Variants in HCN1 observed in about 807,000 individuals in gnomAD.
HCN1 encodes hyperpolarization activated cyclic nucleotide gated potassium channel 1, also known as potassium/sodium hyperpolarization-activated cyclic nucleotide-gated channel 1.
Under a neutral mutation model 78.9 loss-of-function variants are expected in HCN1, and 13 were observed. That is an observed-to-expected ratio of 0.16 (90% CI 0.11 to 0.26). The LOEUF (loss-of-function observed/expected upper bound fraction) is 0.26. Among genes scored for constraint, HCN1 ranks in the 10% least tolerant of loss-of-function variants. The pLI is 1.00. For missense variants in HCN1, 810 were observed against 1,154.3 expected, an observed-to-expected ratio of 0.70 and a Z score of 4.32; for synonymous variants, 552 against 455.5, an observed-to-expected ratio of 1.21 and a Z score of -2.70.
intron 2 of HCN1, among the ~76,000 whole-genome samples, chr5:45,552,927 A>C (rs1743396625): frequency 6.6e-6 from 1 of 151,940 alleles, no homozygotes; most frequent in South Asian, 2.1e-4. Flanking sequence ...ATAGGAGATC[A>C]GATAAAATAA....
chr5:45,691,541 A>G (rs1459225808), intron 1 of HCN1, among the ~76,000 whole-genome samples: 1 of 152,160 alleles, frequency 6.6e-6, no homozygotes, highest in Non-Finnish European at 1.5e-5. Flanking sequence ...AATGTAATTG[A>G]ACTTAAAGCA....
intron 2 of HCN1, among the ~76,000 whole-genome samples, chr5:45,562,193 C>T (rs1743618473): frequency 6.6e-6 from 1 of 152,050 alleles, no homozygotes; most frequent in African/African-American, 2.4e-5. Context: ...GACACTAACT[C>T]TGGAAGGTTA....
chr5:45,569,437 C>CA (rs1743780467), intron 2 of HCN1, among the ~76,000 whole-genome samples: 2 of 152,180 alleles, frequency 1.3e-5, no homozygotes, highest in Admixed American at 1.3e-4. Context: ...AGAAATAAGA[C>CA]AGTTACATAT....
At chr5:45,573,326 A>C (rs2589179) in intron 2 of HCN1, among the ~76,000 whole-genome samples, 17,846 of 151,998 alleles carry the variant, frequency 0.12, 1,678 homozygotes, top group African/African-American at 0.25. Flanking sequence ...CTAATTCAAT[A>C]CCCAGGCTGA....
chr5:45,483,922 G>A (rs1367708698), intron 2 of HCN1, among the ~76,000 whole-genome samples: 2 of 152,042 alleles, frequency 1.3e-5, no homozygotes, highest in Non-Finnish European at 2.9e-5. Context: ...AAAATCAGAC[G>A]TTTGTAGGTG....
chr5:45,683,888 C>T (rs956359791), intron 1 of HCN1, among the ~76,000 whole-genome samples: 1 of 152,034 alleles, frequency 6.6e-6, no homozygotes, highest in African/African-American at 2.4e-5. Context: ...CCAGGCTGGT[C>T]TGAAACTCCT....
intron 5 of HCN1, among the ~76,000 whole-genome samples, chr5:45,310,822 AC>A (rs1579799764): frequency 6.6e-6 from 1 of 152,222 alleles, no homozygotes; most frequent in East Asian, 1.9e-4. Context: ...AGCATGGAAT[AC>A]TATGCAGCCA....
intron 4 of HCN1, among the ~76,000 whole-genome samples, chr5:45,391,855 G>T (rs1037699810): frequency 3.3e-5 from 5 of 151,962 alleles, no homozygotes; most frequent in Non-Finnish European, 5.9e-5. Context: ...GAGTAAATAC[G>T]GTAAACAAAT....
chr5:45,505,575 G>A (rs770565120), intron 2 of HCN1, among the ~76,000 whole-genome samples: 1 of 152,048 alleles, frequency 6.6e-6, no homozygotes, highest in Admixed American at 6.6e-5. Context: ...GGATTGACTT[G>A]GCAAAGGAAT....
chr5:45,370,840 T>A (rs1309888849), intron 4 of HCN1, among the ~76,000 whole-genome samples: 1 of 152,124 alleles, frequency 6.6e-6, no homozygotes, highest in Non-Finnish European at 1.5e-5. Context: ...GCACACACTC[T>A]AAAAGAAGTA....
At chr5:45,430,995 G>A (rs1740451304) in intron 3 of HCN1, among the ~76,000 whole-genome samples, 1 of 152,036 alleles carries the variant, frequency 6.6e-6, no homozygotes, top group African/African-American at 2.4e-5. Context: ...TTATAATCTT[G>A]TTTTAAGTTC....
intron 4 of HCN1, among the ~76,000 whole-genome samples, chr5:45,377,307 T>C (rs1747702910): frequency 6.6e-6 from 1 of 152,002 alleles, no homozygotes; most frequent in Non-Finnish European, 1.5e-5. Flanking sequence ...CTTAATAAAA[T>C]TTCACATTTG....
intron 5 of HCN1, among the ~76,000 whole-genome samples, chr5:45,318,280 TG>T (rs1746043915): frequency 6.6e-6 from 1 of 152,134 alleles, no homozygotes; most frequent in South Asian, 2.1e-4. Flanking sequence ...TGGATGAAGC[TG>T]GAAACCATCT....
chr5:45,485,617 T>A (rs1741741020), intron 2 of HCN1, among the ~76,000 whole-genome samples: 1 of 152,136 alleles, frequency 6.6e-6, no homozygotes, highest in Non-Finnish European at 1.5e-5. Context: ...TATGTTTCTT[T>A]TTTTCCAAAG....
intron 6 of HCN1, among the ~76,000 whole-genome samples, chr5:45,281,569 C>A (rs1002667146): frequency 1.4e-4 from 20 of 145,966 alleles, no homozygotes; most frequent in South Asian, 1.3e-3. Flanking sequence ...TATACAAGAG[C>A]TCTTCTCTTC....
chr5:45,552,597 CT>C (rs1272641799), intron 2 of HCN1, among the ~76,000 whole-genome samples: 1 of 151,834 alleles, frequency 6.6e-6, no homozygotes, highest in Non-Finnish European at 1.5e-5. Context: ...TGATTTTGGA[CT>C]GGAAATGTAA....
chr5:45,287,244 G>A (rs973757650), intron 6 of HCN1, among the ~76,000 whole-genome samples: 1 of 151,672 alleles, frequency 6.6e-6, no homozygotes, highest in African/African-American at 2.4e-5. Context: ...TTACCTGTGA[G>A]TGAAAGTCCC....
At chr5:45,689,345 C>CTAT (rs1739864786) in intron 1 of HCN1, among the ~76,000 whole-genome samples, 1 of 151,862 alleles carries the variant, frequency 6.6e-6, no homozygotes, top group Non-Finnish European at 1.5e-5. Context: ...CAAGAAAAGT[C>CTAT]TATTATGTGC....
chr5:45,280,863 T>C (rs1004295470), intron 6 of HCN1, among the ~76,000 whole-genome samples: 12 of 152,202 alleles, frequency 7.9e-5, no homozygotes. Flanking sequence ...TCATGAGAGA[T>C]AGCTATTTAA....
Sources: gnomAD v4.1 joint callset for allele counts (sites outside exome capture counted in the v4.1 genomes callset) on GRCh38, gnomAD v4.1.1 for gene constraint, MANE v1.5 for transcripts, NCBI Gene and HGNC (gene_info 2026-07-23, HGNC 2026-07-21) for gene names.